P2RY8: variants seen among roughly 807,000 people sequenced by gnomAD.
P2RY8 encodes the protein S-geranylgeranyl-glutathione receptor P2RY8.
Under a neutral mutation model 10.0 loss-of-function variants are expected in P2RY8, and 6 were observed. The ratio of observed to expected loss-of-function variants is 0.60; its 90% CI spans 0.33 to 1.19. P2RY8 has a LOEUF of 1.19. Among genes scored for constraint, P2RY8 ranks in the 50% most tolerant of loss-of-function variants. The probability of loss-of-function intolerance (pLI) is 0.04; values close to 1 mark genes in which losing one functional copy is unlikely to be tolerated. For missense variants in P2RY8, 456 were observed against 542.0 expected (o/e 0.84, Z 1.58); for synonymous variants, 276 against 252.5 (o/e 1.09, Z -0.88).
chrX:1,482,255 C>A (rs373519833), intron 1 of P2RY8, among the ~76,000 whole-genome samples: 1 of 143,634 alleles, frequency 7.0e-6, no homozygotes, highest in South Asian at 2.2e-4. Flanking sequence ...AGCCACTGTA[C>A]GTGGAATTAA....
chrX:1,529,985 C>A (rs528253472), intron 1 of P2RY8, among the ~76,000 whole-genome samples: 128 of 151,992 alleles, frequency 8.4e-4, no homozygotes, highest in Non-Finnish European at 1.4e-3. Context: ...ACAGGATGGC[C>A]CCACCACAGA....
At chrX:1,514,846 T>TTTCCCC (rs1466489583) in intron 1 of P2RY8, among the ~76,000 whole-genome samples, 3 of 31,984 alleles carry the variant, frequency 9.4e-5, no homozygotes, top group African/African-American at 2.9e-4. Flanking sequence ...TCCCTTTCCC[T>TTTCCCC]TTCCCTCCCC....
chrX:1,480,415 G>T (rs1248178008), intron 1 of P2RY8, among the ~76,000 whole-genome samples: 3 of 148,362 alleles, frequency 2.0e-5, no homozygotes, highest in African/African-American at 7.5e-5. Context: ...TTGAGACAGG[G>T]CCTTTCTCTG....
At chrX:1,480,016 C>G (rs1403575379) in intron 1 of P2RY8, among the ~76,000 whole-genome samples, 1 of 152,146 alleles carries the variant, frequency 6.6e-6, no homozygotes, top group East Asian at 1.9e-4. Flanking sequence ...ACAAAAGGCT[C>G]CAGGCCCAGA....
chrX:1,519,726 T>C (rs1430210347), intron 1 of P2RY8, among the ~76,000 whole-genome samples: 1 of 152,058 alleles, frequency 6.6e-6, no homozygotes, highest in Admixed American at 6.6e-5. Flanking sequence ...TTACCAATCA[T>C]CTCCCTGGTC....
intron 1 of P2RY8, among the ~76,000 whole-genome samples, chrX:1,505,372 G>A (rs2092222819): frequency 6.6e-6 from 1 of 152,212 alleles, no homozygotes; most frequent in Admixed American, 6.5e-5. Context: ...AATGACCACA[G>A]ATAGTGTCCA....
At chrX:1,533,919 A>C (rs2092502644) in intron 1 of P2RY8, among the ~76,000 whole-genome samples, 1 of 122,672 alleles carries the variant, frequency 8.2e-6, no homozygotes, top group Non-Finnish European at 1.6e-5. Context: ...TAAATATATT[A>C]TATATTCATA....
intron 1 of P2RY8, among the ~76,000 whole-genome samples, chrX:1,509,867 A>T (rs1325902849): frequency 6.6e-6 from 1 of 151,102 alleles, no homozygotes; most frequent in African/African-American, 2.4e-5. Flanking sequence ...CTATGTATCT[A>T]TGTATCTATC....
chrX:1,508,548 G>C (rs1402176963), intron 1 of P2RY8, among the ~76,000 whole-genome samples: 1 of 151,972 alleles, frequency 6.6e-6, no homozygotes, highest in Non-Finnish European at 1.5e-5. Flanking sequence ...TACCTATCTA[G>C]CCATCCATCT....
intron 1 of P2RY8, among the ~76,000 whole-genome samples, chrX:1,509,400 C>CTATA (rs2092274394): frequency 8.0e-6 from 1 of 125,750 alleles, no homozygotes; most frequent in African/African-American, 2.6e-5. Context: ...ATCTATCTAT[C>CTATA]TATCTATCTA....
In P2RY8 at chrX:1,485,161, G is replaced by C. The variant is rs764898419; in HGVS notation, c.-24-18579C>G. ...ATGTCTTTTTTCTTCTTTTGAAGGT[G>C]GTTTCTCACTCGGTCGTCCAGGCTG... is the stretch of plus-strand genomic sequence containing the variant. On this transcript the variant is annotated intron_variant, in intron 1 of 1. Coordinates refer to ENST00000381297, the MANE Select transcript of P2RY8 (RefSeq NM_178129.5). Among the ~76,000 whole-genome samples the C allele has an allele frequency of 7.9e-5, 12 of 151,618 alleles. No individual in the cohort carries two copies. In the South Asian group the frequency reaches 2.5e-3, roughly 32 times the overall value.
Position 1,465,677 on chromosome X carries a change from G to A in P2RY8, c.882C>T (p.Tyr294=). 1 of 1,613,690 alleles carries A rather than the reference G, an allele frequency of 6.2e-7. No individual in the cohort carries two copies. Among genetic ancestry groups the A allele is most frequent in the East Asian group, 2.2e-5 (1 of 44,874 alleles). Residue 294 remains tyrosine, a synonymous_variant, in exon 2 of 2, where the codon TAC becomes TAT. Coordinates refer to ENST00000381297, the MANE Select transcript of P2RY8 (RefSeq NM_178129.5). ...GCAGCTGGAATTCCCGGGACGCAAA[G>A]TAATAAACAAACGGGTCCAGACAGT... is the stretch of plus-strand genomic sequence containing the variant. ...LNNCLDPFVY[Y]FASREFQLRL...
chrX:1,533,025 A>C (rs1401537312), intron 1 of P2RY8, among the ~76,000 whole-genome samples: 12 of 124,168 alleles, frequency 9.7e-5, no homozygotes, highest in Non-Finnish European at 1.2e-4. Flanking sequence ...AAAAAAAAAA[A>C]CGAAAGAAAG....
chrX:1,511,414 C>G (rs2092296917), intron 1 of P2RY8, among the ~76,000 whole-genome samples: 1 of 152,156 alleles, frequency 6.6e-6, no homozygotes, highest in Non-Finnish European at 1.5e-5. Context: ...CCATCTCTGT[C>G]TTTTCTTCTT....
At chrX:1,532,946 T>C (rs1230109069) in intron 1 of P2RY8, among the ~76,000 whole-genome samples, 12 of 124,852 alleles carry the variant, frequency 9.6e-5, no homozygotes, top group Admixed American at 4.5e-4. Context: ...GAGGTTGCAG[T>C]GAGCCGAGAT....
At chrX:1,498,144 C>T (rs781255861) in intron 1 of P2RY8, among the ~76,000 whole-genome samples, 40 of 152,138 alleles carry the variant, frequency 2.6e-4, no homozygotes, top group African/African-American at 7.5e-4. Context: ...CGGTGGCTCA[C>T]GCCTGTCATC....
At chrX:1,502,804 C>T (rs1404929339) in intron 1 of P2RY8, among the ~76,000 whole-genome samples, 2 of 151,982 alleles carry the variant, frequency 1.3e-5, no homozygotes, top group Admixed American at 6.6e-5. Context: ...GAGAAGGCCA[C>T]GTGGAGACGG....
chrX:1,523,090 T>TAAAC (rs2149410635), intron 1 of P2RY8, among the ~76,000 whole-genome samples: 1 of 140,562 alleles, frequency 7.1e-6, no homozygotes, highest in South Asian at 2.2e-4. Context: ...AATAAATAAA[T>TAAAC]AAATAAATAA....
At chrX:1,483,135 T>G (rs182446896) in intron 1 of P2RY8, among the ~76,000 whole-genome samples, 8 of 152,270 alleles carry the variant, frequency 5.3e-5, no homozygotes, top group Non-Finnish European at 1.2e-4. Context: ...ATAAAGATCG[T>G]TGCTCAGTGT....
Sources: allele counts gnomAD v4.1 joint callset (sites outside exome capture counted in the v4.1 genomes callset), GRCh38; gene constraint gnomAD v4.1.1; transcripts MANE v1.5; gene names NCBI Gene and HGNC (gene_info 2026-07-23, HGNC 2026-07-21).